The following WSCD2 variants were observed in gnomAD, a reference collection of about 807,000 sequenced individuals.
The protein encoded by WSCD2 is sialate:O-sulfotransferase 2.
Under a neutral mutation model 55.7 loss-of-function variants are expected in WSCD2, and 28 were observed. That is an observed-to-expected ratio of 0.50 (90% confidence interval 0.37 to 0.69). The LOEUF (loss-of-function observed/expected upper bound fraction) is 0.69. Ranked by LOEUF, WSCD2 falls within the 30% of genes least tolerant of loss-of-function variation. The pLI is 0.00. For missense variants in WSCD2, 616 were observed against 762.1 expected (o/e 0.81, Z 2.26); for synonymous variants, 301 against 301.9 (o/e 1.00, Z 0.03).
At chr12:108,226,266 G>C (rs549152829) in intron 5 of WSCD2, among the ~76,000 whole-genome samples, 4 of 152,124 alleles carry the variant, frequency 2.6e-5, no homozygotes, top group Non-Finnish European at 4.4e-5. Context: ...ACCCTTGCCC[G>C]CCAGATCTCA....
Position 108,161,097 on chromosome 12 carries a change from C to G in WSCD2, c.-552+31171C>G, listed in dbSNP as rs565945708. On this transcript the variant is annotated intron_variant, in intron 1 of 8. Coordinates refer to ENST00000547525, the MANE Select transcript of WSCD2 (RefSeq NM_014653.4). ...TAAATCTTGGTGCTGCCACCACACA[C>G]ATGGTGTATGTGACTTTACGGGAGA... Among the ~76,000 whole-genome samples, 6 of 152,348 alleles carry G rather than the reference C, an allele frequency of 3.9e-5. No homozygotes were observed. The East Asian group carries it at 1.2e-3, about 29-fold the overall frequency.
chr12:108,180,646 C>G (rs1158035069), intron 1 of WSCD2, among the ~76,000 whole-genome samples: 1 of 152,234 alleles, frequency 6.6e-6, no homozygotes, highest in Non-Finnish European at 1.5e-5. Flanking sequence ...TCCACTTGCT[C>G]TAGGCCACAC....
In WSCD2 at chr12:108,232,888, C is replaced by T; in HGVS notation, c.1137C>T (p.Tyr379=). The part of the protein sequence containing the change: ...TGSYYFDGSL[Y]NKGFKGERDH... ...GCTACTACTTCGATGGCTCCCTCTA[C>T]AACAAAGGTGAGGAGATGGCAGGGA... The change falls in exon 7 of 9, where the codon TAC becomes TAT. Residue 379 remains tyrosine (Y), a synonymous_variant. Transcript: ENST00000547525. 1 of 1,611,784 alleles carries T rather than the reference C, an allele frequency of 6.2e-7. No individual in the cohort carries two copies. The highest frequency in any genetic ancestry group is 2.2e-5 in the East Asian group (1 of 44,816).
chr12:108,132,589 T>C (rs1413670058), intron 1 of WSCD2, among the ~76,000 whole-genome samples: 3 of 152,216 alleles, frequency 2.0e-5, no homozygotes, highest in African/African-American at 7.2e-5. Flanking sequence ...TGGGTATGTA[T>C]ATACACTTGT....
chr12:108,202,038 C>G (rs572104267), intron 2 of WSCD2, among the ~76,000 whole-genome samples: 2 of 152,166 alleles, frequency 1.3e-5, no homozygotes, highest in East Asian at 3.9e-4. Context: ...TTTTACATAT[C>G]TGACCTCCTG....
At chr12:108,220,727 AG>A (rs1426730473) in intron 4 of WSCD2, among the ~76,000 whole-genome samples, 6 of 152,108 alleles carry the variant, frequency 3.9e-5, no homozygotes, top group Admixed American at 6.5e-5. Flanking sequence ...TTGTAGAGAT[AG>A]GGTCTTGCTG....
intron 4 of WSCD2, among the ~76,000 whole-genome samples, chr12:108,214,832 C>T (rs1648586471): frequency 6.6e-6 from 1 of 152,128 alleles, no homozygotes; most frequent in Non-Finnish European, 1.5e-5. Flanking sequence ...AAATAGATAC[C>T]TTGTTTATGG....
intron 1 of WSCD2, among the ~76,000 whole-genome samples, chr12:108,134,321 C>G (rs371801600): frequency 3.9e-5 from 6 of 152,240 alleles, no homozygotes; most frequent in African/African-American, 1.4e-4. Flanking sequence ...CCCCTGCCCC[C>G]TCCCTTTGGG....
At chr12:108,214,889 G>A (rs971925823) in intron 4 of WSCD2, among the ~76,000 whole-genome samples, 10 of 152,106 alleles carry the variant, frequency 6.6e-5, no homozygotes, top group East Asian at 1.9e-4. Context: ...TGTTAATTCC[G>A]GCAATTTTTT....
rs1270028905 is a variant in WSCD2 at position 108,195,789 on chromosome 12, C to T, written c.-44C>T. Reference sequence around the variant, plus strand: ...CAAGCCCCTTCCATCCTCTCCCAAGCACCCCAGCCAAGCCCCAGAGAGCCA... The same window carrying T: ...CAAGCCCCTTCCATCCTCTCCCAAGTACCCCAGCCAAGCCCCAGAGAGCCA... On this transcript the variant is annotated 5_prime_UTR_variant, in exon 2 of 9. Transcript: ENST00000547525. 6.4e-7 allele frequency: 1 copy of T among 1,555,342 alleles called. No homozygotes were observed. The highest frequency in any genetic ancestry group is 1.4e-5 in the African/African-American group (1 of 73,306).
intron 7 of WSCD2, among the ~76,000 whole-genome samples, chr12:108,236,305 C>A (rs1889261134): frequency 6.6e-6 from 1 of 152,182 alleles, no homozygotes; most frequent in Non-Finnish European, 1.5e-5. Context: ...GGCTGCCTGA[C>A]ATTTTCTCTC....
At chr12:108,146,710 G>C (rs73199511) in intron 1 of WSCD2, among the ~76,000 whole-genome samples, 1 of 152,110 alleles carries the variant, frequency 6.6e-6, no homozygotes, top group Admixed American at 6.5e-5. Context: ...GGAGAACTAG[G>C]TCTTTGGACT....
chr12:108,214,864 G>T (rs1264200070), intron 4 of WSCD2, among the ~76,000 whole-genome samples: 1 of 152,194 alleles, frequency 6.6e-6, no homozygotes, highest in South Asian at 2.1e-4. Flanking sequence ...TTACATGGTG[G>T]TTTTTGTGTA....
intron 8 of WSCD2, among the ~76,000 whole-genome samples, chr12:108,246,579 T>G (rs1466637590): frequency 6.6e-6 from 1 of 152,222 alleles, no homozygotes; most frequent in Non-Finnish European, 1.5e-5. Flanking sequence ...CTCCAGGAAC[T>G]GACTGCCTCT....
intron 4 of WSCD2, among the ~76,000 whole-genome samples, chr12:108,215,263 T>G (rs1886693013): frequency 6.6e-6 from 1 of 152,176 alleles, no homozygotes; most frequent in African/African-American, 2.4e-5. Flanking sequence ...CAATGCAGGT[T>G]TTGGAATCAG....
intron 1 of WSCD2, among the ~76,000 whole-genome samples, chr12:108,157,818 G>T (rs1878672275): frequency 6.6e-6 from 1 of 152,114 alleles, no homozygotes. Context: ...CTGGCCTCCT[G>T]CAAACACTAT....
intron 1 of WSCD2, among the ~76,000 whole-genome samples, chr12:108,134,268 G>A (rs1875928828): frequency 6.6e-6 from 1 of 152,088 alleles, no homozygotes; most frequent in South Asian, 2.1e-4. Flanking sequence ...TTAGCCATAA[G>A]ACGTCACTGC....
At chr12:108,239,538 A>G (rs556671462) in intron 7 of WSCD2, among the ~76,000 whole-genome samples, 1 of 152,262 alleles carries the variant, frequency 6.6e-6, no homozygotes, top group South Asian at 2.1e-4. Flanking sequence ...AAGCAGAAAC[A>G]TATGATGTGT....
chr12:108,180,717 T>G (rs1881608588), intron 1 of WSCD2, among the ~76,000 whole-genome samples: 1 of 152,250 alleles, frequency 6.6e-6, no homozygotes, highest in African/African-American at 2.4e-5. Flanking sequence ...GACCACAGCT[T>G]GAGCCTCCTC....
Sources: allele counts gnomAD v4.1 joint callset (sites outside exome capture counted in the v4.1 genomes callset), GRCh38; gene constraint gnomAD v4.1.1; transcripts MANE v1.5; gene names NCBI Gene and HGNC (gene_info 2026-07-23, HGNC 2026-07-21).